DRC5: variants seen among roughly 807,000 people sequenced by gnomAD.
DRC5 encodes the protein dynein regulatory complex subunit 5, also known as T-complex-associated testis-expressed protein 1.
the DRC5 span, among the ~76,000 whole-genome samples, chr6:44,284,247 C>T: frequency 6.6e-6 from 1 of 152,084 alleles, no homozygotes; most frequent in Non-Finnish European, 1.5e-5. Context: ...CAGCTCTATT[C>T]CACCCCGTTG....
chr6:44,289,851 T>C, the DRC5 span, among the ~76,000 whole-genome samples: 1 of 152,216 alleles, frequency 6.6e-6, no homozygotes, highest in African/African-American at 2.4e-5. Flanking sequence ...TGGCACCTAG[T>C]TCCTCCTCCA....
chr6:44,293,899 A>G, the DRC5 span, among the ~76,000 whole-genome samples: 1 of 152,250 alleles, frequency 6.6e-6, no homozygotes, highest in Non-Finnish European at 1.5e-5. Context: ...TTAACCTTGA[A>G]CTGCTTTTTA....
the DRC5 span, chr6:44,287,484 A>C: frequency 6.6e-7 from 1 of 1,511,158 alleles, no homozygotes; most frequent in South Asian, 1.3e-5. Flanking sequence ...GGCTCCGGAC[A>C]GTCCCCACCC....
the DRC5 span, chr6:44,287,225 T>A: frequency 1.0e-6 from 1 of 985,246 alleles, no homozygotes; most frequent in Non-Finnish European, 1.2e-6. Context: ...AGAGGGCGGT[T>A]CACTTGGGAA....
chr6:44,286,821 G>A, the DRC5 span, among the ~76,000 whole-genome samples: 1 of 152,196 alleles, frequency 6.6e-6, no homozygotes, highest in African/African-American at 2.4e-5. Flanking sequence ...GGTCTGATGG[G>A]GGATACAATC....
chr6:44,280,845 G>A, the DRC5 span, among the ~76,000 whole-genome samples: 13 of 152,252 alleles, frequency 8.5e-5, no homozygotes, highest in African/African-American at 1.2e-4. Flanking sequence ...AAGCACTAGC[G>A]AGGCATTGGC....
At chr6:44,287,445 C>T in the DRC5 span, 35 of 1,231,012 alleles carry the variant, frequency 2.8e-5, no homozygotes, top group Admixed American at 4.7e-5. Flanking sequence ...AGAGCAGGGG[C>T]TGCCCCAGGA....
At chr6:44,288,502 T>A in the DRC5 span, among the ~76,000 whole-genome samples, 1 of 152,042 alleles carries the variant, frequency 6.6e-6, no homozygotes, top group African/African-American at 2.4e-5. Context: ...GAGGGGTGTA[T>A]ATTGCCAAAA....
the DRC5 span, chr6:44,285,881 A>G: frequency 8.0e-7 from 1 of 1,257,646 alleles, no homozygotes; most frequent in African/African-American, 1.5e-5. Context: ...GGAAGAAGGC[A>G]ATAATAGAGG....
At chr6:44,282,262 G>A in the DRC5 span, 1 of 1,614,110 alleles carries the variant, frequency 6.2e-7, no homozygotes, top group Non-Finnish European at 8.5e-7. Flanking sequence ...GCATGGGCAA[G>A]AGCCTGGCCA....
chr6:44,285,975 G>A, the DRC5 span: 4 of 1,613,258 alleles, frequency 2.5e-6, no homozygotes, highest in East Asian at 8.9e-5. Flanking sequence ...TTGAGGGTGT[G>A]GCATGCCTTG....
chr6:44,295,317 G>T, the DRC5 span, among the ~76,000 whole-genome samples: 1 of 152,134 alleles, frequency 6.6e-6, no homozygotes, highest in Non-Finnish European at 1.5e-5. Context: ...GTGGGGACAC[G>T]TGCAGTGGAC....
At chr6:44,285,221 A>G in the DRC5 span, among the ~76,000 whole-genome samples, 2 of 152,230 alleles carry the variant, frequency 1.3e-5, no homozygotes, top group African/African-American at 4.8e-5. Flanking sequence ...GCAAGGTCAA[A>G]TGCTCCTTTA....
chr6:44,281,392 AT>A, the DRC5 span, among the ~76,000 whole-genome samples: 318 of 150,550 alleles, frequency 2.1e-3, 3 homozygotes, highest in African/African-American at 7.1e-3. Flanking sequence ...TGTAAATTGC[AT>A]TTTTTTTTTG....
the DRC5 span, chr6:44,280,432 C>A: frequency 6.8e-7 from 1 of 1,480,102 alleles, no homozygotes; most frequent in South Asian, 1.2e-5. Flanking sequence ...TACATCACTA[C>A]CCAGGATCTG....
At chr6:44,293,074 T>C in the DRC5 span, among the ~76,000 whole-genome samples, 1 of 151,932 alleles carries the variant, frequency 6.6e-6, no homozygotes, top group Non-Finnish European at 1.5e-5. Context: ...ATGGGAAAAA[T>C]CCTCAATCAG....
At chr6:44,294,170 C>T in the DRC5 span, among the ~76,000 whole-genome samples, 7 of 152,064 alleles carry the variant, frequency 4.6e-5, no homozygotes, top group East Asian at 2.0e-4. Context: ...TTAGTAGAGA[C>T]GGGGTTTCTC....
the DRC5 span, among the ~76,000 whole-genome samples, chr6:44,291,910 G>A: frequency 3.5e-5 from 3 of 84,580 alleles, no homozygotes; most frequent in East Asian, 3.0e-4. Context: ...CAGCCCTCCC[G>A]CCCCACCCCA....
At chr6:44,292,783 G>A in the DRC5 span, among the ~76,000 whole-genome samples, 3 of 152,134 alleles carry the variant, frequency 2.0e-5, no homozygotes, top group African/African-American at 7.2e-5. Flanking sequence ...CTCTCCACAC[G>A]TACAAGGTCT....
Sources: gnomAD v4.1 joint callset for allele counts (sites outside exome capture counted in the v4.1 genomes callset) on GRCh38, gnomAD v4.1.1 for gene constraint, MANE v1.5 for transcripts, NCBI Gene and HGNC (gene_info 2026-07-23, HGNC 2026-07-21) for gene names.